RANBP2: variants seen among roughly 807,000 people sequenced by gnomAD.
The protein encoded by RANBP2 is E3 SUMO-protein ligase RanBP2.
Under a neutral mutation model 303.6 loss-of-function variants are expected in RANBP2, and 57 were observed. The ratio of observed to expected loss-of-function variants is 0.19; its 90% confidence interval spans 0.15 to 0.23. The LOEUF (loss-of-function observed/expected upper bound fraction) is 0.23. RANBP2 is among the 10% of genes least tolerant of loss of function. The pLI, the probability that RANBP2 is intolerant of heterozygous loss-of-function variation, is 1.00. For synonymous variants in RANBP2, 1,167 were observed against 1,301.5 expected (o/e 0.90, Z 2.23); for missense variants, 3,138 against 3,780.8 (o/e 0.83, Z 4.46).
the RANBP2 span, among the ~76,000 whole-genome samples, chr2:108,817,432 A>G: frequency 6.6e-6 from 1 of 152,014 alleles, no homozygotes; most frequent in East Asian, 1.9e-4. Flanking sequence ...AGCTGAGACT[A>G]CAGGTGTGTG....
chr2:109,239,885 G>T, the RANBP2 span, among the ~76,000 whole-genome samples: 1 of 152,206 alleles, frequency 6.6e-6, no homozygotes, highest in Non-Finnish European at 1.5e-5. Flanking sequence ...AGAAATGTGT[G>T]CTGAAGGTGA....
chr2:109,265,047 G>C, the RANBP2 span, among the ~76,000 whole-genome samples: 1 of 152,220 alleles, frequency 6.6e-6, no homozygotes, highest in Admixed American at 6.5e-5. Context: ...CTTGTGGACC[G>C]CAGTCTAATT....
the RANBP2 span, among the ~76,000 whole-genome samples, chr2:109,690,711 C>A: frequency 6.6e-6 from 1 of 151,078 alleles, no homozygotes; most frequent in Non-Finnish European, 1.5e-5. Context: ...AGACGTTCAC[C>A]ATCAGTAAGC....
the RANBP2 span, among the ~76,000 whole-genome samples, chr2:109,307,693 G>A: frequency 5.4e-5 from 8 of 147,290 alleles, no homozygotes; most frequent in Admixed American, 2.0e-4. Context: ...TTGCTCTTGC[G>A]ATAGTTTACT....
the RANBP2 span, among the ~76,000 whole-genome samples, chr2:109,573,151 G>A: frequency 6.6e-6 from 1 of 152,024 alleles, no homozygotes; most frequent in Non-Finnish European, 1.5e-5. Context: ...TCTGCCTCTT[G>A]AGGTAGTTCT....
the RANBP2 span, chr2:108,910,819 C>T: frequency 2.5e-6 from 4 of 1,613,724 alleles, no homozygotes; most frequent in Non-Finnish European, 2.5e-6. Flanking sequence ...CTTGGGCCTC[C>T]ACGCTCTTCC....
chr2:108,999,673 A>G, the RANBP2 span, among the ~76,000 whole-genome samples: 5 of 152,328 alleles, frequency 3.3e-5, no homozygotes, highest in East Asian at 5.8e-4. Context: ...TTCGGTTTCC[A>G]CATTTCCTAA....
chr2:109,724,017 A>C, the RANBP2 span, among the ~76,000 whole-genome samples: 7 of 152,288 alleles, frequency 4.6e-5, no homozygotes, highest in Non-Finnish European at 7.4e-5. Context: ...CCATTTATTA[A>C]CTAGGGAATC....
chr2:108,896,762 C>A, the RANBP2 span: 2 of 760,900 alleles, frequency 2.6e-6, no homozygotes, highest in East Asian at 5.4e-5. Flanking sequence ...GGCCTTATTT[C>A]GTCTGGCTCC....
chr2:109,541,553 G>A, the RANBP2 span, among the ~76,000 whole-genome samples: 2 of 152,196 alleles, frequency 1.3e-5, no homozygotes, highest in Non-Finnish European at 2.9e-5. Flanking sequence ...CTGCCTGCCA[G>A]ACGGGATTTA....
At chr2:109,670,160 A>C in the RANBP2 span, among the ~76,000 whole-genome samples, 1 of 152,142 alleles carries the variant, frequency 6.6e-6, no homozygotes, top group African/African-American at 2.4e-5. Context: ...AATGGTGGGA[A>C]GCCCCCTTAG....
At chr2:109,569,145 T>C in the RANBP2 span, among the ~76,000 whole-genome samples, 1 of 152,050 alleles carries the variant, frequency 6.6e-6, no homozygotes, top group South Asian at 2.1e-4. Flanking sequence ...AAGTAAAAAA[T>C]TGACTGGGCG....
chr2:109,207,399 A>G, the RANBP2 span, among the ~76,000 whole-genome samples: 1 of 152,200 alleles, frequency 6.6e-6, no homozygotes, highest in Non-Finnish European at 1.5e-5. Flanking sequence ...CAACATAAGA[A>G]AAAGTGACAG....
the RANBP2 span, among the ~76,000 whole-genome samples, chr2:108,936,422 C>T: frequency 0.66 from 99,701 of 152,028 alleles, 35,099 homozygotes; most frequent in Middle Eastern, 0.81. Flanking sequence ...TCTTCCATGG[C>T]GGGAGGCAAG....
the RANBP2 span, among the ~76,000 whole-genome samples, chr2:109,431,732 A>C: frequency 6.6e-6 from 1 of 152,176 alleles, no homozygotes; most frequent in Non-Finnish European, 1.5e-5. Context: ...CTTAGCCAGC[A>C]TGGCGGTGCA....
At chr2:109,031,788 C>T in the RANBP2 span, among the ~76,000 whole-genome samples, 1 of 152,170 alleles carries the variant, frequency 6.6e-6, no homozygotes. Context: ...TAAAGCTGCC[C>T]CACTTTGCCC....
chr2:109,120,180 T>C, the RANBP2 span, among the ~76,000 whole-genome samples: 1 of 152,178 alleles, frequency 6.6e-6, no homozygotes, highest in African/African-American at 2.4e-5. Flanking sequence ...GCAGGCTACC[T>C]GTAGGGTGGA....
chr2:109,521,479 C>T, the RANBP2 span, among the ~76,000 whole-genome samples: 1 of 152,210 alleles, frequency 6.6e-6, no homozygotes. Context: ...GGGCAGGAAA[C>T]CCACACCCCT....
the RANBP2 span, among the ~76,000 whole-genome samples, chr2:109,595,590 G>A: frequency 6.6e-6 from 1 of 152,112 alleles, no homozygotes; most frequent in East Asian, 1.9e-4. Flanking sequence ...AGTCAAAGAA[G>A]AAAATGACTT....
Sources: allele counts gnomAD v4.1 joint callset (sites outside exome capture counted in the v4.1 genomes callset), GRCh38; gene constraint gnomAD v4.1.1; transcripts MANE v1.5; gene names NCBI Gene and HGNC (gene_info 2026-07-23, HGNC 2026-07-21).